Variants in THAP5 observed in about 807,000 individuals in gnomAD.
The protein encoded by THAP5 is THAP domain containing 5, also known as THAP domain-containing protein 5.
Under a neutral mutation model 34.0 loss-of-function variants are expected in THAP5, and 26 were observed. That is an observed-to-expected ratio of 0.77 (90% CI 0.56 to 1.06). The LOEUF (loss-of-function observed/expected upper bound fraction) is 1.06. THAP5 is among the 50% of genes least tolerant of loss of function. The pLI, the probability that THAP5 is intolerant of heterozygous loss-of-function variation, is 0.00. For missense variants in THAP5, 394 were observed against 452.8 expected (o/e 0.87, Z 1.18); for synonymous variants, 125 against 153.0 (o/e 0.82, Z 1.35).
downstream of THAP5, among the ~76,000 whole-genome samples, chr7:108,559,544 CTTAAG>C (rs1487795836): frequency 2.6e-5 from 4 of 152,298 alleles, no homozygotes; most frequent in South Asian, 4.1e-4. Flanking sequence ...GTTCCTTCTC[CTTAAG>C]TTTTCTACAA....
intron 1 of THAP5, 76 bp from the exon 2 acceptor site, chr7:108,566,098 A>G (rs1381337571): frequency 7.9e-7 from 1 of 1,269,986 alleles, no homozygotes; most frequent in Non-Finnish European, 1.1e-6. Flanking sequence ...TTCCCACCCT[A>G]TATATCTGGG....
the THAP5 span, among the ~76,000 whole-genome samples, chr7:108,549,367 G>A: frequency 9.2e-5 from 14 of 152,076 alleles, no homozygotes; most frequent in Admixed American, 5.2e-4. Context: ...TGATCCGCCC[G>A]CCTCGGCCTC....
chr7:108,569,666 T>G lies in THAP5; in HGVS notation c.-97A>C, dbSNP rs1790572525. The stretch of plus-strand genomic sequence containing the variant: ...CACAGGTCCAGGCCTCTCGAGCCCC[T>G]GCGCCTGCGCTAGCATTCTGCCGGG... On this transcript the variant is annotated 5_prime_UTR_variant, in exon 1 of 3. Coordinates refer to ENST00000415914, the MANE Select transcript of THAP5 (RefSeq NM_001130475.3). 1 of 1,460,884 alleles carries G rather than the reference T, an allele frequency of 6.8e-7. No homozygotes were observed. Among genetic ancestry groups the G allele is most frequent in the African/African-American group, 1.4e-5 (1 of 71,108 alleles). 90.5% of individuals were successfully genotyped at this position (1,460,884 alleles called of 1,614,324 possible). A position where few individuals can be genotyped will look rare whatever the true frequency, so the allele number is the denominator to read the frequency against.
In THAP5 at chr7:108,565,034, G is replaced by T; in HGVS notation, c.345C>A (p.Ala115=). Residue 115 remains alanine (A), a synonymous_variant, in exon 3 of 3, where the codon GCC becomes GCA. Coordinates refer to ENST00000415914, the MANE Select transcript of THAP5 (RefSeq NM_001130475.3). ...TTAATACAAATGATTCTTCTGACTT[G>T]GCTTTTGGGCATACTTCTTTCTCAT... is the stretch of plus-strand genomic sequence containing the variant. ...LEDEKEVCPK[A]KSEESFVLNE... 2 of 1,544,780 alleles carry T rather than the reference G, an allele frequency of 1.3e-6. No individual in the cohort carries two copies. The highest frequency in any genetic ancestry group is 1.7e-6 in the Non-Finnish European group (2 of 1,143,896).
At chr7:108,557,047 G>A (rs750855971) in intron 1 of THAP5, among the ~76,000 whole-genome samples, 5 of 152,260 alleles carry the variant, frequency 3.3e-5, no homozygotes, top group Admixed American at 6.5e-5. Context: ...AGCCTGAGCT[G>A]TGCTTTGGCC....
In THAP5 at chr7:108,569,658, C is replaced by G. The variant is rs560274645; in HGVS notation, c.-89G>C. 2.0e-6 allele frequency: 3 copies of G among 1,482,844 alleles called. No individual in the cohort carries two copies. Among genetic ancestry groups the G allele is most frequent in the African/African-American group, 1.4e-5 (1 of 71,514 alleles). The allele number at this position is 1,482,844 out of a possible 1,614,324, so 91.9% of individuals were successfully genotyped here. A position where few individuals can be genotyped will look rare whatever the true frequency, so the allele number is the denominator to read the frequency against. On this transcript the variant is annotated 5_prime_UTR_variant, in exon 1 of 3. Transcript: ENST00000415914. The stretch of plus-strand genomic sequence containing the variant: ...GGATGCGCCACAGGTCCAGGCCTCT[C>G]GAGCCCCTGCGCCTGCGCTAGCATT...
At chr7:108,558,117 A>C (rs1429344427), downstream of THAP5, among the ~76,000 whole-genome samples, 1 of 151,854 alleles carries the variant, frequency 6.6e-6, no homozygotes, top group Non-Finnish European at 1.5e-5. Flanking sequence ...TTCCCCCATG[A>C]TCCAATCATG....
At chr7:108,557,121 G>T (rs185553216) in intron 1 of THAP5, among the ~76,000 whole-genome samples, 1 of 152,226 alleles carries the variant, frequency 6.6e-6, no homozygotes, top group Non-Finnish European at 1.5e-5. Context: ...AGGGCTGTGG[G>T]CCTGTCCCAT....
downstream of THAP5, among the ~76,000 whole-genome samples, chr7:108,559,922 A>G (rs1048196535): frequency 1.3e-5 from 2 of 152,210 alleles, no homozygotes; most frequent in Non-Finnish European, 2.9e-5. Flanking sequence ...TTGAGATGAA[A>G]TTTAGGTGGG....
At chr7:108,567,788 T>C (rs1337701477) in intron 1 of THAP5, among the ~76,000 whole-genome samples, 1 of 152,224 alleles carries the variant, frequency 6.6e-6, no homozygotes, top group South Asian at 2.1e-4. Flanking sequence ...ATTCAATTTT[T>C]ATTTTGTGGA....
chr7:108,553,650 T>C (rs1864367511), downstream of THAP5, among the ~76,000 whole-genome samples: 2 of 152,246 alleles, frequency 1.3e-5, no homozygotes, highest in South Asian at 4.1e-4. Context: ...AAGAATAAAA[T>C]CCAGGGGTGC....
the THAP5 span, among the ~76,000 whole-genome samples, chr7:108,543,385 G>A: frequency 6.6e-6 from 1 of 152,160 alleles, no homozygotes; most frequent in Non-Finnish European, 1.5e-5. Flanking sequence ...AGGTTTGGGA[G>A]CCCTAGAACA....
the THAP5 span, among the ~76,000 whole-genome samples, chr7:108,548,965 G>A: frequency 2.0e-5 from 3 of 151,932 alleles, no homozygotes; most frequent in Non-Finnish European, 4.4e-5. Flanking sequence ...AAGCCTTATT[G>A]CAAACAAAAC....
chr7:108,544,313 GGTCA>G, the THAP5 span, among the ~76,000 whole-genome samples: 3 of 151,822 alleles, frequency 2.0e-5, no homozygotes, highest in Non-Finnish European at 4.4e-5. Context: ...GATCACCTCA[GGTCA>G]GTCAGGAGTT....
chr7:108,558,742 C>A (rs568687204), downstream of THAP5, among the ~76,000 whole-genome samples: 3 of 152,018 alleles, frequency 2.0e-5, no homozygotes, highest in East Asian at 5.8e-4. Context: ...ATTGTAATAT[C>A]TATTTCAAAT....
chr7:108,543,395 A>G, the THAP5 span, among the ~76,000 whole-genome samples: 1 of 152,190 alleles, frequency 6.6e-6, no homozygotes, highest in Non-Finnish European at 1.5e-5. Context: ...GCCCTAGAAC[A>G]TCAAGCAAGT....
chr7:108,556,561 CTT>C (rs1399874934), intron 1 of THAP5, among the ~76,000 whole-genome samples: 1 of 152,228 alleles, frequency 6.6e-6, no homozygotes, highest in Non-Finnish European at 1.5e-5. Flanking sequence ...GAAACAATCT[CTT>C]TTGACTCCAT....
downstream of THAP5, among the ~76,000 whole-genome samples, chr7:108,558,322 C>A (rs541476051): frequency 2.0e-5 from 3 of 146,534 alleles, no homozygotes; most frequent in Non-Finnish European, 3.0e-5. Context: ...ACTTTCCTGC[C>A]CTTTTAAGGG....
downstream of THAP5, among the ~76,000 whole-genome samples, chr7:108,558,515 A>G (rs1023852932): frequency 1.3e-5 from 2 of 149,958 alleles, no homozygotes; most frequent in Admixed American, 6.6e-5. Context: ...CTGCTGCCTC[A>G]GCCTCCTGAG....
Sources: allele counts gnomAD v4.1 joint callset (sites outside exome capture counted in the v4.1 genomes callset), GRCh38; gene constraint gnomAD v4.1.1; transcripts MANE v1.5; gene names NCBI Gene and HGNC (gene_info 2026-07-23, HGNC 2026-07-21).